SPTB: variants seen among roughly 807,000 people sequenced by gnomAD.
SPTB encodes spectrin beta, erythrocytic.
SPTB carries 45 observed loss-of-function variants against 256.2 expected under a neutral mutation model. That is an observed-to-expected ratio of 0.18 (90% CI 0.14 to 0.23). The LOEUF (loss-of-function observed/expected upper bound fraction) is 0.23, where lower values mean the gene tolerates loss of function less well. Among genes scored for constraint, SPTB ranks in the 10% least tolerant of loss-of-function variants. SPTB has a pLI of 1.00. For synonymous variants in SPTB, 1,231 were observed against 1,243.1 expected (o/e 0.99, Z 0.21); for missense variants, 2,715 against 3,040.4 (o/e 0.89, Z 2.52).
At chr14:64,754,980 G>A (rs1340351420) in intron 32 of SPTB, 1 of 152,354 alleles carries the variant, frequency 6.6e-6, no homozygotes, top group Non-Finnish European at 1.5e-5. Flanking sequence ...CGGTCCCAAA[G>A]ACCTGACTGC....
intron 18 of SPTB, among the ~76,000 whole-genome samples, chr14:64,784,807 C>G (rs1050458398): frequency 6.6e-6 from 1 of 152,112 alleles, no homozygotes; most frequent in Admixed American, 6.5e-5. Context: ...AAGCCAAGGA[C>G]AGAGGTCAAT....
chr14:64,808,305 C>T, intron 2 of SPTB, among the ~76,000 whole-genome samples: 1 of 152,198 alleles, frequency 6.6e-6, no homozygotes, highest in Non-Finnish European at 1.5e-5. Context: ...AGCCACCGTG[C>T]ATGGCCCTCT....
At position 64,868,316 on chromosome 14, in the gene SPTB, T is replaced by TTG. The variant is rs1162303729; in HGVS notation, c.-52+11475_-52+11476insCA. On this transcript the variant is annotated intron_variant, in intron 1 of 35. Transcript: ENST00000644917. ...AAGCAGCCAAGTAGATGTGGAAGTA[T>TTG]GGGGGGGAAAAGAAAGACCAAAAAT... Among the ~76,000 whole-genome samples, 4 of 135,240 alleles carry TTG rather than the reference T, an allele frequency of 3.0e-5. No individual in the cohort carries two copies. The Admixed American group carries it at 3.0e-4, about 10-fold the overall frequency. 88.7% of individuals were successfully genotyped at this position (135,240 alleles called of 152,430 possible).
intron 2 of SPTB, among the ~76,000 whole-genome samples, chr14:64,820,470 T>C (rs1262556377): frequency 6.6e-6 from 1 of 152,226 alleles, no homozygotes; most frequent in African/African-American, 2.4e-5. Context: ...CTTGAAAATC[T>C]TGAAAGGACC....
chr14:64,828,545 T>C (rs2083407021), intron 1 of SPTB, among the ~76,000 whole-genome samples: 1 of 152,230 alleles, frequency 6.6e-6, no homozygotes, highest in Non-Finnish European at 1.5e-5. Context: ...GTTTTGCCAT[T>C]ACTTTTAATG....
intron 15 of SPTB, among the ~76,000 whole-genome samples, chr14:64,787,906 A>C (rs2082602316): frequency 6.6e-6 from 1 of 152,156 alleles, no homozygotes; most frequent in Non-Finnish European, 1.5e-5. Context: ...GCCTAGGTTC[A>C]CTCATTCTGC....
chr14:64,811,258 GAACAAAGAGTTAACAGA>G (rs2083084373), intron 2 of SPTB, among the ~76,000 whole-genome samples: 1 of 152,158 alleles, frequency 6.6e-6, no homozygotes, highest in Non-Finnish European at 1.5e-5. Flanking sequence ...CCAGTAATGT[GAACAAAGAGTTAACAGA>G]AAAAATTATA....
chr14:64,773,064 C>T, intron 25 of SPTB, 110 bp from the exon 26 acceptor site: 1 of 1,553,308 alleles, frequency 6.4e-7, no homozygotes, highest in Non-Finnish European at 8.7e-7. Flanking sequence ...GGGAGCTGCG[C>T]TGTCACACCT....
intron 1 of SPTB, among the ~76,000 whole-genome samples, chr14:64,878,116 C>G (rs1395552186): frequency 2.0e-5 from 3 of 152,240 alleles, no homozygotes. Context: ...ATCATTGCCA[C>G]TGGGGCACTG....
intron 2 of SPTB, among the ~76,000 whole-genome samples, chr14:64,812,228 C>T (rs1273793493): frequency 6.6e-6 from 1 of 152,198 alleles, no homozygotes; most frequent in Non-Finnish European, 1.5e-5. Flanking sequence ...GGATTACAGG[C>T]GTGAGCCAAC....
In SPTB at chr14:64,853,457, G is replaced by A. The variant is rs1240341238; in HGVS notation, c.-52+26335C>T. ...GGGAGGAAATTTCCAGAAGCAAGGA[G>A]CAAACAACACTGTCCCATATCCCAG... On this transcript the variant is annotated intron_variant, in intron 1 of 35. Coordinates refer to ENST00000644917, the MANE Select transcript of SPTB (RefSeq NM_001355436.2). The surrounding 1 kb of genome is among the most constrained non-coding windows in gnomAD (Gnocchi z 4.3). Among the ~76,000 whole-genome samples, 1 of 152,176 alleles carries A rather than the reference G, an allele frequency of 6.6e-6. No individual in the cohort carries two copies. The highest frequency in any genetic ancestry group is 2.1e-4 in the South Asian group (1 of 4,828).
chr14:64,762,754 C>T lies in SPTB; in HGVS notation c.6345+3972G>A, dbSNP rs79668750. Among the ~76,000 whole-genome samples, 17 of 152,310 alleles carry T rather than the reference C, an allele frequency of 1.1e-4. No individual in the cohort carries two copies. The East Asian group carries it at 2.7e-3, about 24-fold the overall frequency. On this transcript the variant is annotated intron_variant, in intron 32 of 35. Transcript: ENST00000644917. ...TGGGGAAGAGAGCTTTCCCTGACTT[C>T]CTGACGAGAAGGCTGATAACGAGGG...
Position 64,753,633 on chromosome 14 carries a change from A to C in SPTB, c.6506T>G (p.Leu2169Arg), listed in dbSNP as rs780844613. Residue 2169 changes from leucine (L) to arginine (R), a missense_variant, in exon 33 of 36, where the codon CTG (leucine) becomes CGG (arginine). Leu to Arg is a moderately radical substitution (Grantham distance 102). Coordinates refer to ENST00000644917, the MANE Select transcript of SPTB (RefSeq NM_001355436.2). ...PLSEGDEPAT[L>R]PAPRDHGQSV... ...CTGCCCATGGTCCCGCGGGGCCGGC[A>C]GCGTTGCGGGCTCATCACCCTCGCT... The C allele has an allele frequency of 6.8e-6, 11 of 1,613,494 alleles. No homozygotes were observed. The Admixed American group carries it at 1.7e-4, about 24-fold the overall frequency.
At chr14:64,754,130 G>A (rs565401723) in intron 32 of SPTB, 22 of 432,816 alleles carry the variant, frequency 5.1e-5, no homozygotes, top group Non-Finnish European at 2.2e-5. Context: ...GGGTGTGAGG[G>A]GGGGCAGGTT....
intron 9 of SPTB, among the ~76,000 whole-genome samples, chr14:64,798,109 T>C (rs1448340272): frequency 5.3e-5 from 8 of 152,208 alleles, no homozygotes; most frequent in Admixed American, 1.3e-4. Flanking sequence ...GCATTTATCA[T>C]TTGCCTCTAC....
At position 64,778,149 on chromosome 14, in the gene SPTB, C is replaced by T. The variant is rs570956131; in HGVS notation, c.4563+1008G>A. Among the ~76,000 whole-genome samples the T allele has an allele frequency of 1.3e-5, 2 of 152,254 alleles. No homozygotes were observed. The highest frequency in any genetic ancestry group is 2.1e-4 in the South Asian group (1 of 4,826). On this transcript the variant is annotated intron_variant, in intron 22 of 35. Transcript: ENST00000644917. The surrounding 1 kb of genome is among the most constrained non-coding windows in gnomAD (Gnocchi z 5.2). ...CTGCGTGTGGCTGCTGGAGCCTCTG[C>T]GACTAGATCATGTCAACCAGAAGCA... is the stretch of plus-strand genomic sequence containing the variant.
In SPTB at chr14:64,793,022, C is replaced by T. The variant is rs762750732; in HGVS notation, c.2641G>A (p.Glu881Lys). The T allele has an allele frequency of 1.2e-6, 2 of 1,613,974 alleles. No homozygotes were observed. Among genetic ancestry groups the T allele is most frequent in the Non-Finnish European group, 1.7e-6 (2 of 1,180,024 alleles). The change falls in exon 14 of 36, where the codon GAG (glutamate) becomes AAG (lysine). Residue 881 changes from glutamate (E) to lysine (K), a missense_variant. This residue lies in a region of SPTB where 2,239 missense variants were observed against 2,384.4 expected (regional missense o/e 0.94). Coordinates refer to ENST00000644917, the MANE Select transcript of SPTB (RefSeq NM_001355436.2). The surrounding 1 kb of genome is among the most constrained non-coding windows in gnomAD (Gnocchi z 7.0). The part of the protein sequence containing the change: ...LAEMEMPDTL[E>K]DLEVVQHRFD... ...CTGTGCTGCACGACCTCCAGGTCCTCCAGGGTGTCTGGCATTTCCATCTCG... is the reference window on the plus strand; with the variant it reads ...CTGTGCTGCACGACCTCCAGGTCCTTCAGGGTGTCTGGCATTTCCATCTCG...
chr14:64,751,946 T>TAAAAAAAAAAAAAAAAAAAACAA (rs1566731898), intron 33 of SPTB, among the ~76,000 whole-genome samples: 1 of 90,440 alleles, frequency 1.1e-5, no homozygotes, highest in Non-Finnish European at 2.5e-5. Flanking sequence ...AAAAAAAAAT[T>TAAAAAAAAAAAAAAAAAAAACAA]AGCCAGGCGT....
chr14:64,814,224 G>A (rs2083145090), intron 2 of SPTB, among the ~76,000 whole-genome samples: 1 of 152,156 alleles, frequency 6.6e-6, no homozygotes, highest in Admixed American at 6.5e-5. Flanking sequence ...TTGGGGTATA[G>A]TAATTCAAAG....
Sources: gnomAD v4.1 joint callset for allele counts (sites outside exome capture counted in the v4.1 genomes callset) on GRCh38, gnomAD v4.1.1 for gene constraint, gnomAD v4.1.1 regional missense constraint, Gnocchi (gnomAD v3.1) non-coding constraint, MANE v1.5 for transcripts, NCBI Gene and HGNC (gene_info 2026-07-23, HGNC 2026-07-21) for gene names.